The following VWA8 variants were observed in gnomAD, a reference collection of about 807,000 sequenced individuals.
VWA8 encodes the protein von Willebrand factor A domain-containing protein 8.
VWA8 carries 221 observed loss-of-function variants against 241.5 expected under a neutral mutation model. The ratio of observed to expected loss-of-function variants is 0.91; its 90% CI spans 0.82 to 1.02. The LOEUF (loss-of-function observed/expected upper bound fraction) is 1.02, where lower values mean the gene tolerates loss of function less well. Ranked by LOEUF, VWA8 falls within the 50% of genes least tolerant of loss-of-function variation. VWA8 has a pLI of 0.00. For missense variants in VWA8, 2,322 were observed against 2,328.7 expected (o/e 1.00, Z 0.06); for synonymous variants, 852 against 827.1 (o/e 1.03, Z -0.52).
Position 41,615,007 on chromosome 13 carries a change from G to A in VWA8, c.4689C>T (p.His1563=), listed in dbSNP as rs541679934. The change falls in exon 38 of 45, where the codon CAC becomes CAT. Residue 1563 remains histidine, a synonymous_variant. Transcript: ENST00000379310. ...HGKEDPDNMP[H]VGGNTWAGGT... is the part of the protein sequence containing the mutation. The stretch of plus-strand genomic sequence containing the variant: ...CGCCAGCCCAAGTGTTGCCGCCCAC[G>A]TGAGGCATGTTGTCTGGGTCCTCCT... 1.1e-5 allele frequency: 17 copies of A among 1,613,736 alleles called. No homozygotes were observed. Among genetic ancestry groups the A allele is most frequent in the South Asian group, 6.6e-5 (6 of 91,058 alleles).
intron 6 of VWA8, 90 bp downstream of exon 6, chr13:41,887,107 C>A: frequency 7.0e-7 from 1 of 1,436,636 alleles, no homozygotes; most frequent in South Asian, 1.3e-5. Flanking sequence ...GGAAGACATT[C>A]AAAACTGCAG....
Position 41,816,775 on chromosome 13 carries a change from C to A in VWA8, c.1870G>T (p.Val624Phe). ...AGAGCTTCCTGAGGTACATTTGGGA[C>A]CTATTTTTTGAAAGAGTTGAGGACA... Reference protein sequence around the residue: ...SEEIQVIKEKVPNVPQEALDK... With the variant: ...SEEIQVIKEKFPNVPQEALDK... Residue 624 changes from valine (V) to phenylalanine (F), a missense_variant and splice_region_variant, in exon 16 of 45, where the codon GTC (valine) becomes TTC (phenylalanine). Transcript: ENST00000379310. 1 of 1,611,472 alleles carries A rather than the reference C, an allele frequency of 6.2e-7. No individual in the cohort carries two copies. The highest frequency in any genetic ancestry group is 8.5e-7 in the Non-Finnish European group (1 of 1,178,734).
chr13:41,677,934 T>TG (rs1209534834), intron 35 of VWA8, among the ~76,000 whole-genome samples: 1 of 152,204 alleles, frequency 6.6e-6, no homozygotes, highest in East Asian at 1.9e-4. Flanking sequence ...TGCATGTAGT[T>TG]GAAGGTTTTT....
intron 12 of VWA8, among the ~76,000 whole-genome samples, chr13:41,859,152 C>T (rs1208881637): frequency 1.4e-5 from 2 of 147,520 alleles, no homozygotes; most frequent in African/African-American, 5.0e-5. Context: ...ATAAAGAACA[C>T]TTAAATGAAT....
intron 37 of VWA8, among the ~76,000 whole-genome samples, chr13:41,642,562 CAAAA>C (rs1156882566): frequency 3.2e-5 from 2 of 61,546 alleles, no homozygotes; most frequent in Admixed American, 1.9e-4. Context: ...CCGTCTCAAA[CAAAA>C]AAAAAAAAAA....
At position 41,588,445 on chromosome 13, in the gene VWA8, G is replaced by A. The variant is rs143971760; in HGVS notation, c.5113-775C>T. Among the ~76,000 whole-genome samples, 144 of 152,294 alleles carry A rather than the reference G, an allele frequency of 9.5e-4. 2 individuals are homozygous for A. Among genetic ancestry groups the A allele is most frequent in the African/African-American group, 3.3e-3 (139 of 41,580 alleles). ...TGACGATAAAAAAGAAGAAGGCTGC[G>A]TGCAGGGGCTCATGCCTGTAATCCC... On this transcript the variant is annotated intron_variant, in intron 41 of 44. Transcript: ENST00000379310.
intron 34 of VWA8, among the ~76,000 whole-genome samples, chr13:41,687,271 G>T (rs1189311647): frequency 6.6e-6 from 1 of 152,040 alleles, no homozygotes; most frequent in East Asian, 1.9e-4. Context: ...TAATAGAATG[G>T]TAACAGTGGG....
intron 36 of VWA8, among the ~76,000 whole-genome samples, chr13:41,673,466 T>C (rs1157356388): frequency 6.6e-6 from 1 of 152,066 alleles, no homozygotes; most frequent in Non-Finnish European, 1.5e-5. Context: ...ATACTGACAA[T>C]GAAACAGACT....
chr13:41,930,123 G>T (rs1174385269), intron 2 of VWA8, among the ~76,000 whole-genome samples: 2 of 152,110 alleles, frequency 1.3e-5, no homozygotes, highest in Non-Finnish European at 2.9e-5. Flanking sequence ...ATATGAAAAG[G>T]TGCTCAACAT....
At chr13:41,943,856 AC>A (rs1204168295) in intron 2 of VWA8, among the ~76,000 whole-genome samples, 1 of 152,172 alleles carries the variant, frequency 6.6e-6, no homozygotes, top group Non-Finnish European at 1.5e-5. Context: ...TAATACCAGC[AC>A]TTTGGAGGCC....
At chr13:41,870,817 T>C (rs952141274) in intron 9 of VWA8, among the ~76,000 whole-genome samples, 4 of 152,138 alleles carry the variant, frequency 2.6e-5, no homozygotes, top group African/African-American at 9.7e-5. Context: ...AGCCACTTGC[T>C]ACACTGGTTA....
chr13:41,789,502 T>A (rs923454642), intron 17 of VWA8, among the ~76,000 whole-genome samples: 1 of 152,212 alleles, frequency 6.6e-6, no homozygotes, highest in Non-Finnish European at 1.5e-5. Flanking sequence ...CTAGTCTCAT[T>A]AGGTTTTGGT....
chr13:41,942,104 T>C (rs1877628550), intron 2 of VWA8, among the ~76,000 whole-genome samples: 1 of 152,206 alleles, frequency 6.6e-6, no homozygotes, highest in Non-Finnish European at 1.5e-5. Context: ...ATGTAAGTTA[T>C]TATACATCTA....
chr13:41,684,344 CAT>C (rs1491236157), intron 35 of VWA8, among the ~76,000 whole-genome samples: 1 of 148,800 alleles, frequency 6.7e-6, no homozygotes, highest in Non-Finnish European at 1.5e-5. Flanking sequence ...ACCACTGTGA[CAT>C]AAAAAAAAAA....
intron 20 of VWA8, among the ~76,000 whole-genome samples, chr13:41,768,903 CTTT>C (rs34257749): frequency 1.0e-4 from 13 of 128,250 alleles, no homozygotes; most frequent in Admixed American, 3.9e-4. Flanking sequence ...AAAACAATGC[CTTT>C]TTTTTTTTTT....
chr13:41,916,334 T>C (rs1347279895), intron 2 of VWA8, among the ~76,000 whole-genome samples: 4 of 152,224 alleles, frequency 2.6e-5, no homozygotes, highest in African/African-American at 9.6e-5. Flanking sequence ...ATTTCAGTCA[T>C]TATGTTCTAC....
At chr13:41,715,627 AT>A (rs2045343588) in intron 26 of VWA8, among the ~76,000 whole-genome samples, 1 of 152,012 alleles carries the variant, frequency 6.6e-6, no homozygotes, top group African/African-American at 2.4e-5. Context: ...TAAAGTTTAT[AT>A]TTATAGTTGT....
intron 9 of VWA8, among the ~76,000 whole-genome samples, chr13:41,880,672 C>T (rs1874127237): frequency 6.6e-6 from 1 of 152,172 alleles, no homozygotes; most frequent in East Asian, 1.9e-4. Flanking sequence ...ATGTTCTATA[C>T]AATGACCCTC....
At chr13:41,759,448 T>C (rs892626279) in intron 21 of VWA8, among the ~76,000 whole-genome samples, 2 of 151,740 alleles carry the variant, frequency 1.3e-5, no homozygotes, top group African/African-American at 2.4e-5. Flanking sequence ...CCTGAATTGG[T>C]GATGTTATCT....
Sources: gnomAD v4.1 joint callset for allele counts (sites outside exome capture counted in the v4.1 genomes callset) on GRCh38, gnomAD v4.1.1 for gene constraint, MANE v1.5 for transcripts, NCBI Gene and HGNC (gene_info 2026-07-23, HGNC 2026-07-21) for gene names.